AGPAT3: variants seen among roughly 807,000 people sequenced by gnomAD.
The protein encoded by AGPAT3 is 1-acylglycerol-3-phosphate O-acyltransferase 3, also known as 1-acyl-sn-glycerol-3-phosphate acyltransferase gamma.
In AGPAT3, 5 loss-of-function variants were observed where a neutral mutation model predicts 47.3. The ratio of observed to expected loss-of-function variants is 0.11; its 90% CI spans 0.06 to 0.22. AGPAT3 has a LOEUF of 0.22. Among genes scored for constraint, AGPAT3 ranks in the 10% least tolerant of loss-of-function variants. The pLI, the probability that AGPAT3 is intolerant of heterozygous loss-of-function variation, is 1.00. For missense variants in AGPAT3, 315 were observed against 493.0 expected, an observed-to-expected ratio of 0.64 and a Z score of 3.42; for synonymous variants, 212 against 208.3, an observed-to-expected ratio of 1.02 and a Z score of -0.15.
chr21:43,901,094 G>C (rs2086338928), intron 1 of AGPAT3, among the ~76,000 whole-genome samples: 1 of 152,074 alleles, frequency 6.6e-6, no homozygotes, highest in Non-Finnish European at 1.5e-5. Flanking sequence ...TTGAGCCCAG[G>C]AGTTCAAGAC....
At chr21:43,918,612 A>G (rs2086815307) in intron 2 of AGPAT3, among the ~76,000 whole-genome samples, 1 of 142,792 alleles carries the variant, frequency 7.0e-6, no homozygotes, top group African/African-American at 2.6e-5. Flanking sequence ...TTTGAGACTG[A>G]CTCTTGCTCT....
intron 1 of AGPAT3, among the ~76,000 whole-genome samples, chr21:43,885,975 CAG>C (rs1260837963): frequency 2.0e-5 from 3 of 152,178 alleles, no homozygotes; most frequent in African/African-American, 4.8e-5. Context: ...GTTGCCCGGT[CAG>C]GGGCTCCAAA....
At chr21:43,937,273 C>A (rs1051543108) in intron 2 of AGPAT3, among the ~76,000 whole-genome samples, 1 of 152,198 alleles carries the variant, frequency 6.6e-6, no homozygotes, top group Non-Finnish European at 1.5e-5. Flanking sequence ...ATGTGTGAGT[C>A]CCAAAGGCCC....
chr21:43,926,978 C>CAAA (rs905520861), intron 2 of AGPAT3, among the ~76,000 whole-genome samples: 12 of 54,372 alleles, frequency 2.2e-4, no homozygotes, highest in East Asian at 5.6e-4. Context: ...GACTCTGTCT[C>CAAA]AAAAAAAAAA....
At chr21:43,947,658 G>A (rs898762310) in intron 2 of AGPAT3, among the ~76,000 whole-genome samples, 1 of 151,908 alleles carries the variant, frequency 6.6e-6, no homozygotes, top group Non-Finnish European at 1.5e-5. Context: ...AACCAGTGTG[G>A]ACTAAGAAGC....
chr21:43,873,323 C>T (rs2085663060), intron 1 of AGPAT3, among the ~76,000 whole-genome samples: 1 of 152,216 alleles, frequency 6.6e-6, no homozygotes, highest in Non-Finnish European at 1.5e-5. Context: ...GAGGATAACG[C>T]TGGGTGGAAG....
chr21:43,938,814 G>A (rs1369148510), intron 2 of AGPAT3, among the ~76,000 whole-genome samples: 1 of 152,196 alleles, frequency 6.6e-6, no homozygotes, highest in Non-Finnish European at 1.5e-5. Flanking sequence ...GGCTTAGCGG[G>A]CGATTCTGGG....
At chr21:43,875,005 G>A (rs1480805102) in intron 1 of AGPAT3, among the ~76,000 whole-genome samples, 1 of 152,008 alleles carries the variant, frequency 6.6e-6, no homozygotes, top group African/African-American at 2.4e-5. Context: ...TTTTGAGATG[G>A]AGTCTCACTC....
chr21:43,951,959 C>T (rs2088215110), intron 2 of AGPAT3, among the ~76,000 whole-genome samples: 1 of 152,150 alleles, frequency 6.6e-6, no homozygotes, highest in Non-Finnish European at 1.5e-5. Context: ...GGGTGAGATC[C>T]TCTGCCTGGC....
At chr21:43,868,338 A>C (rs927411225) in intron 1 of AGPAT3, among the ~76,000 whole-genome samples, 1 of 152,186 alleles carries the variant, frequency 6.6e-6, no homozygotes, top group Admixed American at 6.5e-5. Context: ...AATTGAAAGC[A>C]ACACAACTAT....
At chr21:43,964,705 C>T (rs1569097421) in intron 3 of AGPAT3, among the ~76,000 whole-genome samples, 1 of 152,192 alleles carries the variant, frequency 6.6e-6, no homozygotes, top group Admixed American at 6.5e-5. Context: ...ACCACAAATA[C>T]ACAAGAAAAG....
At position 43,985,795 on chromosome 21, in the gene AGPAT3, G is replaced by A. The variant is rs1025276798; in HGVS notation, c.*3403G>A. On this transcript the variant is annotated 3_prime_UTR_variant, in exon 10 of 10. Transcript: ENST00000291572. ...CTCCCGCTGCAGGCCTCTGGCCTGTGGCTCACTGCATGCAGCCCCTGGCGT... is the reference window on the plus strand; with the variant it reads ...CTCCCGCTGCAGGCCTCTGGCCTGTAGCTCACTGCATGCAGCCCCTGGCGT... The A allele has an allele frequency of 1.3e-5, 2 of 157,010 alleles. No individual in the cohort carries two copies. Among genetic ancestry groups the A allele is most frequent in the African/African-American group, 4.8e-5 (2 of 41,494 alleles). The allele number at this position is 157,010 out of a possible 1,614,324, so 9.7% of individuals were successfully genotyped here.
chr21:43,981,031 G>C lies in AGPAT3; in HGVS notation c.886G>C (p.Gly296Arg), dbSNP rs2089830839. The C allele has an allele frequency of 6.2e-7, 1 of 1,614,062 alleles. No individual in the cohort carries two copies. The highest frequency in any genetic ancestry group is 1.1e-5 in the South Asian group (1 of 91,084). ...EIYNQKGMFP[G>R]EQFKPARRPW... ...ATATAATCAGAAGGGCATGTTTCCAGGGGAGCAGTTTAAGCCTGCCCGGAG... is the reference window on the plus strand; with the variant it reads ...ATATAATCAGAAGGGCATGTTTCCACGGGAGCAGTTTAAGCCTGCCCGGAG... Residue 296 changes from glycine (G) to arginine (R), a missense_variant, in exon 9 of 10, where the codon GGG (glycine) becomes CGG (arginine). Coordinates refer to ENST00000291572, the MANE Select transcript of AGPAT3 (RefSeq NM_020132.5). This position sits in a 1 kb window ranked among gnomAD's most constrained non-coding sequence, Gnocchi z 5.3.
intron 7 of AGPAT3, among the ~76,000 whole-genome samples, chr21:43,972,856 T>C (rs1356856504): frequency 2.6e-5 from 4 of 152,240 alleles, no homozygotes; most frequent in Admixed American, 2.0e-4. Context: ...CATTCAAGTG[T>C]GTGCGGAAAG....
chr21:43,976,911 A>G (rs951166087), intron 7 of AGPAT3, among the ~76,000 whole-genome samples: 5 of 152,214 alleles, frequency 3.3e-5, no homozygotes, highest in Non-Finnish European at 7.3e-5. Context: ...CTTAGTCACC[A>G]CCGTCATCCT....
Position 43,880,472 on chromosome 21 carries a change from T to A in AGPAT3, c.-112+15127T>A, listed in dbSNP as rs528121446. ...ATGGGAAAGGTGCTCTGCAGGTCTCTACTGCCAGGAGCTCAGCTTTGATCT... is the reference window on the plus strand; with the variant it reads ...ATGGGAAAGGTGCTCTGCAGGTCTCAACTGCCAGGAGCTCAGCTTTGATCT... On this transcript the variant is annotated intron_variant, in intron 1 of 9. Transcript: ENST00000291572. The surrounding 1 kb of genome is among the most constrained non-coding windows in gnomAD (Gnocchi z 4.5). 2.8e-4 allele frequency among the ~76,000 whole-genome samples: 43 copies of A among 152,354 alleles called. No individual in the cohort carries two copies. The highest frequency in any genetic ancestry group is 1.0e-3 in the African/African-American group (43 of 41,582).
rs186049374 is a variant in AGPAT3, at chr21:43,968,330, C to T, written c.348+215C>T. On this transcript the variant is annotated intron_variant, in intron 4 of 9. Transcript: ENST00000291572. ...GGAGGGCTGGGGGTGAGTGGGGGGTCCCAGGGAGAGGCTAGGGTGAGCACC... is the reference window on the plus strand; with the variant it reads ...GGAGGGCTGGGGGTGAGTGGGGGGTTCCAGGGAGAGGCTAGGGTGAGCACC... Among the ~76,000 whole-genome samples, 320 of 147,842 alleles carry T rather than the reference C, an allele frequency of 2.2e-3. 1 individual carries two copies. Among genetic ancestry groups the T allele is most frequent in the African/African-American group, 7.8e-3 (309 of 39,846 alleles).
intron 1 of AGPAT3, among the ~76,000 whole-genome samples, chr21:43,871,104 C>G (rs1458138124): frequency 6.6e-6 from 1 of 152,232 alleles, no homozygotes; most frequent in African/African-American, 2.4e-5. Context: ...CTGAATTCAA[C>G]TGGGGCTACT....
At chr21:43,903,035 G>A (rs971282846) in intron 1 of AGPAT3, among the ~76,000 whole-genome samples, 1 of 152,180 alleles carries the variant, frequency 6.6e-6, no homozygotes, top group African/African-American at 2.4e-5. Context: ...GGGGACACAA[G>A]CATTCAGTCC....
Sources: allele counts gnomAD v4.1 joint callset (sites outside exome capture counted in the v4.1 genomes callset), GRCh38; gene constraint gnomAD v4.1.1; non-coding constraint Gnocchi (gnomAD v3.1); transcripts MANE v1.5; gene names NCBI Gene and HGNC (gene_info 2026-07-23, HGNC 2026-07-21).